The following ZC3H11A variants were observed in gnomAD, a reference collection of about 807,000 sequenced individuals.
The protein encoded by ZC3H11A is zinc finger CCCH domain-containing protein 11A.
A neutral mutation model predicts 90.8 loss-of-function variants in ZC3H11A; 22 were observed. The ratio of observed to expected loss-of-function variants is 0.24; its 90% CI spans 0.17 to 0.35. The LOEUF is 0.35. Ranked by LOEUF, ZC3H11A falls within the 10% of genes least tolerant of loss-of-function variation. ZC3H11A has a pLI of 1.00. For synonymous variants in ZC3H11A, 294 were observed against 339.8 expected (o/e 0.87, Z 1.48); for missense variants, 701 against 964.9 (o/e 0.73, Z 3.62).
chr1:203,844,799 C>CT (rs1195005160), intron 12 of ZC3H11A, among the ~76,000 whole-genome samples: 3 of 152,076 alleles, frequency 2.0e-5, no homozygotes, highest in Non-Finnish European at 2.9e-5. Flanking sequence ...AACTTCTTTC[C>CT]TTTTTCAGAT....
chr1:203,805,764 C>G (rs536714053), intron 2 of ZC3H11A: 2 of 682,062 alleles, frequency 2.9e-6, no homozygotes, highest in South Asian at 2.7e-5. Context: ...GCTCATCACC[C>G]AGTGTATCCA....
intron 1 of ZC3H11A, chr1:203,798,821 T>C (rs532518731): frequency 6.5e-7 from 1 of 1,536,158 alleles, no homozygotes; most frequent in Admixed American, 2.0e-5. Flanking sequence ...CCCCAGCCTT[T>C]CAGAGGTTCA....
intron 2 of ZC3H11A, among the ~76,000 whole-genome samples, chr1:203,813,898 A>C (rs1290013331): frequency 1.3e-5 from 2 of 151,594 alleles, no homozygotes; most frequent in Non-Finnish European, 2.9e-5. Flanking sequence ...GGTTGCCTGA[A>C]TCTAGTCACA....
chr1:203,831,578 C>T, intron 8 of ZC3H11A, 83 bp from the exon 9 acceptor site: 1 of 1,148,432 alleles, frequency 8.7e-7, no homozygotes, highest in South Asian at 1.3e-5. Flanking sequence ...TTGGACTTAA[C>T]TGGTTACAAA....
At chr1:203,800,292 C>G (rs1250220371) in intron 1 of ZC3H11A, 1 of 921,940 alleles carries the variant, frequency 1.1e-6, no homozygotes, top group Non-Finnish European at 1.7e-6. Context: ...TAAAAATAGC[C>G]ACTTTCATCC....
At chr1:203,843,531 A>G (rs1572327990) in intron 12 of ZC3H11A, among the ~76,000 whole-genome samples, 1 of 152,164 alleles carries the variant, frequency 6.6e-6, no homozygotes, top group South Asian at 2.1e-4. Flanking sequence ...TTTTTCCTGT[A>G]AAGGGTCGGA....
intron 2 of ZC3H11A, among the ~76,000 whole-genome samples, chr1:203,813,133 GCTT>G (rs890861395): frequency 4.7e-4 from 71 of 151,784 alleles, no homozygotes; most frequent in African/African-American, 1.7e-3. Context: ...TCTTTCTTAA[GCTT>G]CTTAACAGAG....
chr1:203,829,870 G>A lies in ZC3H11A; in HGVS notation c.593G>A (p.Arg198Gln), dbSNP rs748828658. The change falls in exon 7 of 18, where the codon CGG becomes CAG. Residue 198 changes from arginine (R) to glutamine (Q), a missense_variant. Physicochemically the swap from Arg to Gln is conservative, Grantham distance 43. Around this residue, in one of 4 missense-constraint regions of ZC3H11A, gnomAD observed 530 missense variants for 696.2 expected, o/e 0.76. Coordinates refer to ENST00000367210, the MANE Select transcript of ZC3H11A (RefSeq NM_001376342.1). ...AATGGATTACGAGTGACTTCTGTCCGGAAACCTGCAGTCAATATAAAGCAA... is the reference window on the plus strand; with the variant it reads ...AATGGATTACGAGTGACTTCTGTCCAGAAACCTGCAGTCAATATAAAGCAA... ...VHNGLRVTSVRKPAVNIKQGE... is the reference protein window; with the variant it reads ...VHNGLRVTSVQKPAVNIKQGE... The A allele has an allele frequency of 4.2e-5, 68 of 1,613,912 alleles. No individual in the cohort carries two copies. The highest frequency in any genetic ancestry group is 2.8e-4 in the Admixed American group (17 of 59,966).
At chr1:203,797,328 G>C in intron 1 of ZC3H11A, 1 of 501,080 alleles carries the variant, frequency 2.0e-6, no homozygotes, top group Non-Finnish European at 3.4e-6. Flanking sequence ...CTAAGAAAGA[G>C]TTCGGGAATG....
chr1:203,835,093 G>C (rs1033408794), intron 10 of ZC3H11A, among the ~76,000 whole-genome samples: 1 of 152,156 alleles, frequency 6.6e-6, no homozygotes, highest in African/African-American at 2.4e-5. Flanking sequence ...TCTGAACTTA[G>C]TCACATTTCA....
At chr1:203,804,482 C>G (rs997532007) in intron 2 of ZC3H11A, among the ~76,000 whole-genome samples, 4 of 151,910 alleles carry the variant, frequency 2.6e-5, no homozygotes, top group African/African-American at 7.3e-5. Flanking sequence ...TGTGAATGGT[C>G]TCTTCCTGTA....
chr1:203,850,919 A>G lies in ZC3H11A; in HGVS notation c.2107-138A>G, dbSNP rs1689094209. ...GATATTTTGCTTATTTATATACTCA[A>G]CCTTTAGATTATCGATTCTTAGATT... On this transcript the variant is annotated intron_variant, in intron 16 of 17. Transcript: ENST00000367210. The G allele has an allele frequency of 4.1e-6, 5 of 1,224,506 alleles. No homozygotes were observed. In the South Asian group the frequency reaches 5.6e-5, roughly 14 times the overall value. The allele number at this position is 1,224,506 out of a possible 1,614,324, so 75.9% of individuals were successfully genotyped here.
intron 7 of ZC3H11A, 79 bp downstream of exon 7, chr1:203,829,975 C>T: frequency 7.0e-7 from 1 of 1,422,360 alleles, no homozygotes; most frequent in Non-Finnish European, 9.9e-7. Flanking sequence ...CATTGACCTC[C>T]CTCTTCTTTT....
chr1:203,797,380 T>G (rs1306402612), intron 1 of ZC3H11A: 8 of 736,770 alleles, frequency 1.1e-5, no homozygotes, highest in Middle Eastern at 4.0e-4. Context: ...TAACCTGGCT[T>G]GGAAGTTATT....
intron 2 of ZC3H11A, among the ~76,000 whole-genome samples, chr1:203,803,559 A>G (rs1232809545): frequency 1.3e-5 from 2 of 152,188 alleles, no homozygotes; most frequent in African/African-American, 4.8e-5. Flanking sequence ...GCATAGCCAA[A>G]GTGAAATCTT....
intron 1 of ZC3H11A, chr1:203,799,257 A>G: frequency 1.3e-6 from 1 of 780,958 alleles, no homozygotes. Context: ...TGGTGGTTTT[A>G]CCCATGTGCC....
chr1:203,831,671 A>G lies in ZC3H11A; in HGVS notation c.711A>G (p.Ser237=), dbSNP rs1488408262. ...ACTTGCCTTATTCAGAGGGTTCTTC[A>G]GGAGTTTCCAGTCTTTTACTCCACC... ...EKSKKQGEGS[S]GVSSLLLHPE... is the part of the protein sequence containing the mutation. Residue 237 remains serine (S), a synonymous_variant, in exon 9 of 18, where the codon TCA becomes TCG. Coordinates refer to ENST00000367210, the MANE Select transcript of ZC3H11A (RefSeq NM_001376342.1). 1 of 1,612,156 alleles carries G rather than the reference A, an allele frequency of 6.2e-7. No individual in the cohort carries two copies. The highest frequency in any genetic ancestry group is 1.7e-5 in the Admixed American group (1 of 59,834).
chr1:203,806,976 AT>A (rs1312321909), intron 2 of ZC3H11A, among the ~76,000 whole-genome samples: 6 of 151,918 alleles, frequency 3.9e-5, no homozygotes, highest in African/African-American at 1.4e-4. Context: ...TCTAGTAAAT[AT>A]AATGAGTTTC....
chr1:203,840,625 T>C (rs891865230), intron 12 of ZC3H11A, among the ~76,000 whole-genome samples: 1 of 150,744 alleles, frequency 6.6e-6, no homozygotes, highest in Non-Finnish European at 1.5e-5. Flanking sequence ...TATTTATTTA[T>C]TTATTTATTT....
Sources: gnomAD v4.1 joint callset for allele counts (sites outside exome capture counted in the v4.1 genomes callset) on GRCh38, gnomAD v4.1.1 for gene constraint, gnomAD v4.1.1 regional missense constraint, MANE v1.5 for transcripts, NCBI Gene and HGNC (gene_info 2026-07-23, HGNC 2026-07-21) for gene names.